The following SATB2 variants were observed in gnomAD, a reference collection of about 807,000 sequenced individuals.
SATB2 encodes the protein SATB homeobox 2, also known as DNA-binding protein SATB2.
A neutral mutation model predicts 73.4 loss-of-function variants in SATB2; 1 was observed. That is an observed-to-expected ratio of 0.01 (90% confidence interval 0.00 to 0.06). The LOEUF (loss-of-function observed/expected upper bound fraction) is 0.06, where lower values mean the gene tolerates loss of function less well. Among genes scored for constraint, SATB2 ranks in the 10% least tolerant of loss-of-function variants. SATB2 has a pLI of 1.00. For synonymous variants in SATB2, 397 were observed against 367.0 expected, an observed-to-expected ratio of 1.08 and a Z score of -0.93; for missense variants, 459 against 945.8, an observed-to-expected ratio of 0.49 and a Z score of 6.75.
chr2:199,308,625 C>T lies in SATB2; in HGVS notation c.1740+135G>A. ...ACAGTACCCACTGTGACGACAGCGT[C>T]TTCTGTACTTGGGGACCTGGCATGA... On this transcript the variant is annotated intron_variant, in intron 10 of 10. Coordinates refer to ENST00000417098, the MANE Select transcript of SATB2 (RefSeq NM_001172509.2). This position sits in a 1 kb window ranked among gnomAD's most constrained non-coding sequence, Gnocchi z 4.6. 1.4e-6 allele frequency: 1 copy of T among 730,022 alleles called. No homozygotes were observed. Among genetic ancestry groups the T allele is most frequent in the Non-Finnish European group, 2.4e-6 (1 of 416,198 alleles). 45.2% of individuals were successfully genotyped at this position (730,022 alleles called of 1,614,324 possible).
intron 5 of SATB2, among the ~76,000 whole-genome samples, chr2:199,374,425 T>C (rs149063992): frequency 7.2e-5 from 11 of 152,270 alleles, no homozygotes; most frequent in Admixed American, 2.0e-4. Context: ...AAGGAATTGT[T>C]GCTTAAAGGT....
intron 9 of SATB2, among the ~76,000 whole-genome samples, chr2:199,315,521 C>T (rs1687707442): frequency 6.6e-6 from 1 of 151,998 alleles, no homozygotes; most frequent in African/African-American, 2.4e-5. Flanking sequence ...GAGTGGGGTT[C>T]CTGTCCATGG....
At chr2:199,370,681 C>T (rs918711871) in intron 5 of SATB2, among the ~76,000 whole-genome samples, 4 of 152,066 alleles carry the variant, frequency 2.6e-5, no homozygotes, top group African/African-American at 9.7e-5. Context: ...AATCCAAATT[C>T]CCCTCACTCT....
At chr2:199,319,515 GGGTGTAT>G (rs1463045126) in intron 9 of SATB2, among the ~76,000 whole-genome samples, 1 of 152,086 alleles carries the variant, frequency 6.6e-6, no homozygotes, top group Non-Finnish European at 1.5e-5. Flanking sequence ...GAACAGAACA[GGGTGTAT>G]CAGTTTCTCT....
At chr2:199,275,446 T>A (rs1692284364) in intron 10 of SATB2, among the ~76,000 whole-genome samples, 1 of 150,414 alleles carries the variant, frequency 6.6e-6, no homozygotes, top group South Asian at 2.2e-4. Flanking sequence ...CATGGATTAA[T>A]TAACTGAATC....
At chr2:199,331,722 A>G (rs750838767) in intron 7 of SATB2, among the ~76,000 whole-genome samples, 18 of 152,174 alleles carry the variant, frequency 1.2e-4, no homozygotes, top group Admixed American at 6.6e-5. Context: ...ATGCTTATAA[A>G]TGGAAAGTGA....
intron 5 of SATB2, among the ~76,000 whole-genome samples, chr2:199,372,470 G>GT (rs1689478274): frequency 6.6e-6 from 1 of 152,004 alleles, no homozygotes; most frequent in Admixed American, 6.6e-5. Context: ...TAACTCACTT[G>GT]TTTGTTTTTC....
intron 3 of SATB2, among the ~76,000 whole-genome samples, chr2:199,430,821 G>C (rs546958932): frequency 6.6e-6 from 1 of 152,112 alleles, no homozygotes; most frequent in Non-Finnish European, 1.5e-5. Flanking sequence ...CATTGCTAAC[G>C]TATCTCCTCC....
rs2105896789 is a variant in SATB2, at chr2:199,405,288, G to GCC, written c.347-23469_347-23468insGG. On this transcript the variant is annotated intron_variant, in intron 3 of 10. Transcript: ENST00000417098. ...TCAGAAAGAGCTCTGCATAATATTGGTTTCATCAGACATAATAGAAGCCAA... is the reference window on the plus strand; with the variant it reads ...TCAGAAAGAGCTCTGCATAATATTGGCCTTTCATCAGACATAATAGAAGCCAA... 2.0e-5 allele frequency among the ~76,000 whole-genome samples: 3 copies of GCC among 152,276 alleles called. No individual in the cohort carries two copies. The East Asian group carries it at 5.8e-4, about 29-fold the overall frequency.
At position 199,348,644 on chromosome 2, in the gene SATB2, T is replaced by C. The variant is rs556440931; in HGVS notation, c.1173+57A>G. Reference sequence around the variant, plus strand: ...TAAAGAGATAAAAATAATTATAACCTATCTCAATTCTGTCCCCAGTATTAC... The same window carrying C: ...TAAAGAGATAAAAATAATTATAACCCATCTCAATTCTGTCCCCAGTATTAC... On this transcript the variant is annotated intron_variant, in intron 7 of 10. Coordinates refer to ENST00000417098, the MANE Select transcript of SATB2 (RefSeq NM_001172509.2). 420 of 1,282,054 alleles carry C rather than the reference T, an allele frequency of 3.3e-4. 2 individuals are homozygous for C. In the African/African-American group the frequency reaches 5.5e-3, roughly 17 times the overall value. The allele number at this position is 1,282,054 out of a possible 1,614,324, so 79.4% of individuals were successfully genotyped here.
chr2:199,300,187 C>CAGGG (rs561895008), intron 10 of SATB2, among the ~76,000 whole-genome samples: 1 of 147,730 alleles, frequency 6.8e-6, no homozygotes, highest in Admixed American at 6.8e-5. Flanking sequence ...GGGAGGGAGG[C>CAGGG]AGGGAGGGAG....
intron 10 of SATB2, among the ~76,000 whole-genome samples, chr2:199,305,342 G>A (rs1298149559): frequency 1.3e-5 from 2 of 151,846 alleles, no homozygotes; most frequent in African/African-American, 4.8e-5. Context: ...TTGAGGGGCC[G>A]ATAGGGGGGT....
At chr2:199,356,785 T>G (rs2105834995) in intron 6 of SATB2, among the ~76,000 whole-genome samples, 1 of 152,270 alleles carries the variant, frequency 6.6e-6, no homozygotes, top group South Asian at 2.1e-4. Context: ...ATTATAAGAA[T>G]TTTCATATTT....
At chr2:199,284,110 AAATT>A (rs1333072275) in intron 10 of SATB2, among the ~76,000 whole-genome samples, 1 of 152,208 alleles carries the variant, frequency 6.6e-6, no homozygotes, top group Non-Finnish European at 1.5e-5. Context: ...TTTCAAGCAA[AAATT>A]AGAGTTTTGA....
At chr2:199,366,923 A>C (rs201441542) in intron 6 of SATB2, among the ~76,000 whole-genome samples, 339 of 114,182 alleles carry the variant, frequency 3.0e-3, no homozygotes, top group African/African-American at 9.4e-3. Flanking sequence ...CACACACACA[A>C]ACACACACAC....
At chr2:199,397,091 T>C (rs370489021) in intron 3 of SATB2, 1 of 151,878 alleles carries the variant, frequency 6.6e-6, no homozygotes, top group Admixed American at 6.6e-5. Context: ...AAAAAAGTCA[T>C]GTACTTTCAT....
At chr2:199,277,191 G>A (rs953988727) in intron 10 of SATB2, among the ~76,000 whole-genome samples, 18 of 152,294 alleles carry the variant, frequency 1.2e-4, no homozygotes, top group African/African-American at 4.3e-4. Context: ...TTTACTGAGT[G>A]GAAGCGGGTG....
At chr2:199,451,062 G>C (rs1692108486) in intron 2 of SATB2, among the ~76,000 whole-genome samples, 1 of 150,736 alleles carries the variant, frequency 6.6e-6, no homozygotes, top group East Asian at 2.0e-4. Context: ...TTAAAAAACA[G>C]ATGCCTTAAG....
chr2:199,349,626 C>A (rs1376874722), intron 6 of SATB2, among the ~76,000 whole-genome samples: 1 of 152,122 alleles, frequency 6.6e-6, no homozygotes, highest in Non-Finnish European at 1.5e-5. Context: ...GTAAAAAGCT[C>A]ACATAAATAT....
Sources: gnomAD v4.1 joint callset for allele counts (sites outside exome capture counted in the v4.1 genomes callset) on GRCh38, gnomAD v4.1.1 for gene constraint, Gnocchi (gnomAD v3.1) non-coding constraint, MANE v1.5 for transcripts, NCBI Gene and HGNC (gene_info 2026-07-23, HGNC 2026-07-21) for gene names.